ATF7: variants seen among roughly 807,000 people sequenced by gnomAD.
The protein encoded by ATF7 is activating transcription factor 7.
Under a neutral mutation model 50.4 loss-of-function variants are expected in ATF7, and 10 were observed. The ratio of observed to expected loss-of-function variants is 0.20; its 90% CI spans 0.12 to 0.34. The LOEUF (loss-of-function observed/expected upper bound fraction) is 0.34, where lower values mean the gene tolerates loss of function less well. Ranked by LOEUF, ATF7 falls within the 10% of genes least tolerant of loss-of-function variation. The pLI, the probability that ATF7 is intolerant of heterozygous loss-of-function variation, is 1.00. For missense variants in ATF7, 465 were observed against 613.9 expected, an observed-to-expected ratio of 0.76 and a Z score of 2.56; for synonymous variants, 201 against 226.4, an observed-to-expected ratio of 0.89 and a Z score of 1.01.
chr12:53,518,561 C>G (rs1440374241), intron 11 of ATF7, among the ~76,000 whole-genome samples: 1 of 152,220 alleles, frequency 6.6e-6, no homozygotes, highest in Non-Finnish European at 1.5e-5. Context: ...GGCCTCAAGC[C>G]ATCCTCCTGC....
chr12:53,542,019 G>A (rs12314118), intron 4 of ATF7, among the ~76,000 whole-genome samples: 71,271 of 151,090 alleles, frequency 0.47, 16,894 homozygotes, highest in East Asian at 0.74. Flanking sequence ...ATGGGGTTTC[G>A]CCATGTTGGT....
Position 53,532,468 on chromosome 12 carries a change from T to C in ATF7, c.774+42A>G, listed in dbSNP as rs540420168. On this transcript the variant is annotated intron_variant, in intron 8 of 11. Coordinates refer to ENST00000420353, the MANE Select transcript of ATF7 (RefSeq NM_006856.3). ...GACCTAGGCTGGTATCACCCACTTC[T>C]TTCAGAAAGGCCAACATTGCCCCAG... 3.4e-6 allele frequency: 5 copies of C among 1,477,848 alleles called. No homozygotes were observed. The East Asian group carries it at 1.2e-4, about 36-fold the overall frequency. 91.5% of individuals were successfully genotyped at this position (1,477,848 alleles called of 1,614,324 possible).
chr12:53,534,052 C>A (rs964251432), intron 6 of ATF7, among the ~76,000 whole-genome samples: 2 of 152,194 alleles, frequency 1.3e-5, no homozygotes, highest in African/African-American at 4.8e-5. Context: ...CAGAGGCAGG[C>A]GGATCACGAG....
chr12:53,541,165 A>G (rs1939528851), intron 4 of ATF7, among the ~76,000 whole-genome samples: 2 of 152,230 alleles, frequency 1.3e-5, no homozygotes, highest in Admixed American at 6.5e-5. Context: ...AAAGTCATGT[A>G]TAACTATCTT....
intron 1 of ATF7, among the ~76,000 whole-genome samples, chr12:53,611,527 G>A (rs949300874): frequency 6.6e-6 from 1 of 152,172 alleles, no homozygotes; most frequent in Non-Finnish European, 1.5e-5. Context: ...TTCAACTCAT[G>A]GGCAAAATTC....
intron 2 of ATF7, chr12:53,574,807 G>T: frequency 3.9e-6 from 1 of 256,098 alleles, no homozygotes. Context: ...AAAGAGCCTA[G>T]CCAGGCCCAA....
At chr12:53,587,844 T>TATATATATATATATATA (rs1491300296) in intron 2 of ATF7, among the ~76,000 whole-genome samples, 359 of 40,568 alleles carry the variant, frequency 8.8e-3, no homozygotes, top group South Asian at 0.015. Context: ...TATATATATA[T>TATATATATATATATATA]TTTTTTTTTT....
intron 2 of ATF7, among the ~76,000 whole-genome samples, chr12:53,591,938 G>T (rs1942957315): frequency 6.6e-6 from 1 of 152,148 alleles, no homozygotes. Context: ...AGGCAAAAAG[G>T]AACAACTCTT....
At position 53,537,459 on chromosome 12, in the gene ATF7, C is replaced by T. The variant is rs752391905; in HGVS notation, c.358G>A (p.Asp120Asn). Reference sequence around the variant, plus strand: ...GAACAGGGACTAGAGGCAGGGCTATCAGGTGGGGATGAGTCTACCTCCACT... The same window carrying T: ...GAACAGGGACTAGAGGCAGGGCTATTAGGTGGGGATGAGTCTACCTCCACT... The part of the protein sequence containing the change: ...EPVEVDSSPP[D>N]SPASSPCSPP... Residue 120 changes from aspartate to asparagine, a missense_variant, in exon 5 of 12, where the codon GAT becomes AAT. Coordinates refer to ENST00000420353, the MANE Select transcript of ATF7 (RefSeq NM_006856.3). 6.2e-7 allele frequency: 1 copy of T among 1,613,806 alleles called. No homozygotes were observed. Among genetic ancestry groups the T allele is most frequent in the African/African-American group, 1.3e-5 (1 of 75,034 alleles).
intron 2 of ATF7, among the ~76,000 whole-genome samples, chr12:53,582,239 GA>G (rs1295382532): frequency 6.6e-6 from 1 of 151,064 alleles, no homozygotes; most frequent in Admixed American, 6.6e-5. Flanking sequence ...TGAGGCAGGA[GA>G]ATCTCTTGAA....
chr12:53,519,206 C>G (rs1937936698), intron 11 of ATF7, among the ~76,000 whole-genome samples: 1 of 152,130 alleles, frequency 6.6e-6, no homozygotes, highest in Non-Finnish European at 1.5e-5. Context: ...CATGGGTACA[C>G]AGAGAAGAAA....
intron 2 of ATF7, among the ~76,000 whole-genome samples, chr12:53,573,558 T>G (rs1018078352): frequency 9.2e-5 from 14 of 152,110 alleles, no homozygotes; most frequent in African/African-American, 3.4e-4. Context: ...TTACCTATGA[T>G]TGTTTTAATC....
intron 2 of ATF7, among the ~76,000 whole-genome samples, chr12:53,596,262 T>C (rs1033908093): frequency 1.3e-5 from 2 of 152,168 alleles, no homozygotes; most frequent in Admixed American, 6.5e-5. Context: ...ATCGCGCCAC[T>C]GCACTCTAGC....
chr12:53,532,757 G>C (rs971115908), intron 7 of ATF7, 134 bp from the exon 8 acceptor site: 3 of 632,460 alleles, frequency 4.7e-6, no homozygotes, highest in African/African-American at 1.8e-5. Context: ...CCCATAGGGC[G>C]TGCAGGGACA....
intron 2 of ATF7, among the ~76,000 whole-genome samples, chr12:53,592,696 GT>G (rs905539575): frequency 2.6e-5 from 4 of 152,088 alleles, no homozygotes; most frequent in African/African-American, 9.7e-5. Flanking sequence ...AAATTTGGGG[GT>G]GATGAGTTCT....
downstream of ATF7, chr12:53,511,981 T>G (rs952997972): frequency 5.9e-5 from 9 of 152,242 alleles, no homozygotes; most frequent in Admixed American, 4.6e-4. Context: ...ATGACAGACA[T>G]GAAAGGCCAG....
chr12:53,528,779 A>AAAAGG (rs1938660091), intron 9 of ATF7, among the ~76,000 whole-genome samples: 2 of 152,098 alleles, frequency 1.3e-5, no homozygotes, highest in African/African-American at 4.8e-5. Flanking sequence ...AAAAGAAAAG[A>AAAAGG]AAAGAAAACA....
intron 2 of ATF7, among the ~76,000 whole-genome samples, chr12:53,580,563 C>T (rs897458083): frequency 2.7e-5 from 4 of 147,936 alleles, no homozygotes; most frequent in Non-Finnish European, 4.4e-5. Flanking sequence ...ACTCAGAAGG[C>T]TGAGGCAGGA....
chr12:53,543,387 T>G lies in ATF7; in HGVS notation c.207A>C (p.Glu69Asp), dbSNP rs775028139. 2 of 1,602,928 alleles carry G rather than the reference T, an allele frequency of 1.2e-6. No homozygotes were observed. Among genetic ancestry groups the G allele is most frequent in the Admixed American group, 1.7e-5 (1 of 58,508 alleles). ...KNCEEVGLFNELASSFEHEFK... is the reference protein window; with the variant it reads ...KNCEEVGLFNDLASSFEHEFK... ...ATTCATGTTCAAAGGAGCTAGCTAG[T>G]TCATTGAAGAGTCCCACCTCCTCAC... Residue 69 changes from glutamate (E) to aspartate (D), a missense_variant, in exon 4 of 12, where the codon GAA becomes GAC. By Grantham distance (45) the Glu-to-Asp change is conservative (BLOSUM62 2). Coordinates refer to ENST00000420353, the MANE Select transcript of ATF7 (RefSeq NM_006856.3).
Sources: gnomAD v4.1 joint callset for allele counts (sites outside exome capture counted in the v4.1 genomes callset) on GRCh38, gnomAD v4.1.1 for gene constraint, MANE v1.5 for transcripts, NCBI Gene and HGNC (gene_info 2026-07-23, HGNC 2026-07-21) for gene names.